Variants in CACNA2D1 observed in about 807,000 individuals in gnomAD.
The protein encoded by CACNA2D1 is voltage-dependent calcium channel subunit alpha-2/delta-1.
CACNA2D1 carries 53 observed loss-of-function variants against 171.5 expected under a neutral mutation model. The ratio of observed to expected loss-of-function variants is 0.31; its 90% CI spans 0.25 to 0.39. The LOEUF (loss-of-function observed/expected upper bound fraction) is 0.39. Among genes scored for constraint, CACNA2D1 ranks in the 10% least tolerant of loss-of-function variants. CACNA2D1 has a pLI of 1.00. For synonymous variants in CACNA2D1, 442 were observed against 443.1 expected (o/e 1.00, Z 0.03); for missense variants, 903 against 1,299.8 (o/e 0.69, Z 4.69).
chr7:82,024,018 T>C (rs1801580029), intron 12 of CACNA2D1: 1 of 151,838 alleles, frequency 6.6e-6, no homozygotes, highest in African/African-American at 2.4e-5. Context: ...TAGCATTGCA[T>C]TGTATGTATA....
intron 4 of CACNA2D1, among the ~76,000 whole-genome samples, chr7:82,138,053 A>C (rs1791883218): frequency 6.6e-6 from 1 of 152,180 alleles, no homozygotes; most frequent in South Asian, 2.1e-4. Context: ...TTTAGAATAT[A>C]ATAAAGTTAA....
intron 16 of CACNA2D1, among the ~76,000 whole-genome samples, chr7:82,007,458 A>G (rs1019965063): frequency 2.0e-5 from 3 of 152,126 alleles, no homozygotes; most frequent in Non-Finnish European, 4.4e-5. Flanking sequence ...GTCATAGTTA[A>G]GTGGAGTTAA....
intron 6 of CACNA2D1, among the ~76,000 whole-genome samples, chr7:82,114,249 T>C (rs894793280): frequency 1.3e-5 from 2 of 152,214 alleles, no homozygotes; most frequent in Non-Finnish European, 2.9e-5. Context: ...ATATTTGTTC[T>C]AGCATACAAC....
In CACNA2D1 at chr7:82,239,136, A is replaced by T. The variant is rs188512187; in HGVS notation, c.295-68527T>A. The stretch of plus-strand genomic sequence containing the variant: ...ATTCATTTCTCCCTTTTTCTCTAAT[A>T]TCTTTAAGAAAAACAGAATATTATT... On this transcript the variant is annotated intron_variant, in intron 3 of 38. Transcript: ENST00000356860. Among the ~76,000 whole-genome samples, 748 of 152,186 alleles carry T rather than the reference A, an allele frequency of 4.9e-3. 6 individuals are homozygous for T. The highest frequency in any genetic ancestry group is 0.02 in the Middle Eastern group (6 of 294).
intron 3 of CACNA2D1, among the ~76,000 whole-genome samples, chr7:82,301,822 A>G (rs949472496): frequency 6.6e-6 from 1 of 151,244 alleles, no homozygotes; most frequent in African/African-American, 2.4e-5. Flanking sequence ...CAGTTGTGCA[A>G]TCTCAGCTGA....
intron 3 of CACNA2D1, among the ~76,000 whole-genome samples, chr7:82,244,692 C>T (rs1426217484): frequency 6.6e-5 from 10 of 151,984 alleles, no homozygotes; most frequent in African/African-American, 2.4e-5. Flanking sequence ...AAAATAATCA[C>T]CACACAAAAA....
intron 24 of CACNA2D1, among the ~76,000 whole-genome samples, chr7:81,981,217 C>G (rs910524553): frequency 4.6e-5 from 7 of 152,172 alleles, no homozygotes; most frequent in South Asian, 4.1e-4. Flanking sequence ...TCCTTTGCAG[C>G]CTTCTTATAT....
chr7:82,223,812 T>G (rs1192158393), intron 3 of CACNA2D1, among the ~76,000 whole-genome samples: 1 of 152,202 alleles, frequency 6.6e-6, no homozygotes, highest in Non-Finnish European at 1.5e-5. Context: ...TCTGAAAATG[T>G]AAATCAGATA....
intron 6 of CACNA2D1, among the ~76,000 whole-genome samples, chr7:82,097,961 A>G (rs1241963664): frequency 6.6e-6 from 1 of 151,980 alleles, no homozygotes; most frequent in Non-Finnish European, 1.5e-5. Flanking sequence ...TAAAAATACA[A>G]AAATTACTCG....
rs1584239678 is a variant in CACNA2D1, at chr7:81,971,933, T to C, written c.2054-69A>G. 9.9e-6 allele frequency: 10 copies of C among 1,005,318 alleles called. No individual in the cohort carries two copies. The East Asian group carries it at 2.2e-4, about 22-fold the overall frequency. 62.3% of individuals were successfully genotyped at this position (1,005,318 alleles called of 1,614,324 possible). A position where few individuals can be genotyped will look rare whatever the true frequency, so the allele number is the denominator to read the frequency against. ...TTATGATCATAATGAAAAATATATT[T>C]TCTATTTCCAAAAGCAATTTAGAGT... On this transcript the variant is annotated intron_variant, in intron 25 of 38. Coordinates refer to ENST00000356860, the MANE Select transcript of CACNA2D1 (RefSeq NM_000722.4).
At chr7:82,332,520 AAGAAAGAAAGAAAG>A (rs911187235) in intron 3 of CACNA2D1, among the ~76,000 whole-genome samples, 15 of 90,304 alleles carry the variant, frequency 1.7e-4, no homozygotes, top group African/African-American at 6.1e-4. Context: ...TAAAGAAAGA[AAGAAAGAAAGAAAG>A]AAAGAAAGAA....
chr7:82,368,747 ATACAT>A (rs1398340848), intron 1 of CACNA2D1, among the ~76,000 whole-genome samples: 2 of 152,150 alleles, frequency 1.3e-5, no homozygotes, highest in Admixed American at 1.3e-4. Context: ...AAATTTCCAG[ATACAT>A]CACAGTCATA....
chr7:82,426,170 AATAAATAAATAC>A (rs58821323), intron 1 of CACNA2D1, among the ~76,000 whole-genome samples: 14,682 of 142,166 alleles, frequency 0.1, 979 homozygotes, highest in African/African-American at 0.18. Context: ...TAAATAAATA[AATAAATAAATAC>A]ATAAATTCTA....
chr7:82,113,074 T>C (rs1324955209), intron 6 of CACNA2D1, among the ~76,000 whole-genome samples: 1 of 152,164 alleles, frequency 6.6e-6, no homozygotes, highest in Non-Finnish European at 1.5e-5. Context: ...ACGTAAATAA[T>C]AATTGCCTTA....
At chr7:82,183,001 C>T (rs1797304551) in intron 3 of CACNA2D1, among the ~76,000 whole-genome samples, 2 of 148,902 alleles carry the variant, frequency 1.3e-5, no homozygotes, top group Admixed American at 1.3e-4. Flanking sequence ...TGCACCATTG[C>T]ACTCCAGCCC....
intron 19 of CACNA2D1, 121 bp from the exon 20 acceptor site, chr7:81,995,060 G>A (rs1002144665): frequency 4.9e-6 from 3 of 609,196 alleles, no homozygotes; most frequent in Admixed American, 5.5e-5. Flanking sequence ...AATAAAAATA[G>A]GGGGTTAGTT....
chr7:82,049,421 T>A (rs1423194261), intron 10 of CACNA2D1, among the ~76,000 whole-genome samples: 1 of 152,168 alleles, frequency 6.6e-6, no homozygotes, highest in Non-Finnish European at 1.5e-5. Flanking sequence ...ACATCCATAG[T>A]ATTAAGAATT....
chr7:82,203,284 G>C (rs947906582), intron 3 of CACNA2D1, among the ~76,000 whole-genome samples: 1 of 152,120 alleles, frequency 6.6e-6, no homozygotes, highest in African/African-American at 2.4e-5. Context: ...CTTGGTAGCT[G>C]TGCCATCTAT....
chr7:82,402,779 C>T (rs1826582467), intron 1 of CACNA2D1, among the ~76,000 whole-genome samples: 1 of 148,412 alleles, frequency 6.7e-6, no homozygotes, highest in African/African-American at 2.5e-5. Context: ...GAATATTATC[C>T]TTTAAACAAG....
Sources: gnomAD v4.1 joint callset for allele counts (sites outside exome capture counted in the v4.1 genomes callset) on GRCh38, gnomAD v4.1.1 for gene constraint, MANE v1.5 for transcripts, NCBI Gene and HGNC (gene_info 2026-07-23, HGNC 2026-07-21) for gene names.